Variants in CTBP1 observed in about 807,000 individuals in gnomAD.
CTBP1 encodes C-terminal-binding protein 1.
A neutral mutation model predicts 42.1 loss-of-function variants in CTBP1; 11 were observed. The observed-to-expected ratio is 0.26, with a 90% CI of 0.16 to 0.43. CTBP1 has a LOEUF of 0.43. CTBP1 is among the 20% of genes least tolerant of loss of function. The pLI, the probability that CTBP1 is intolerant of heterozygous loss-of-function variation, is 1.00. For synonymous variants in CTBP1, 324 were observed against 277.1 expected, an observed-to-expected ratio of 1.17 and a Z score of -1.68; for missense variants, 399 against 624.3, an observed-to-expected ratio of 0.64 and a Z score of 3.85.
chr4:1,225,245 G>C, intron 5 of CTBP1, 115 bp downstream of exon 5: 1 of 1,272,896 alleles, frequency 7.9e-7, no homozygotes, highest in Non-Finnish European at 1.1e-6. Context: ...CCTGGGTTGG[G>C]ACCGACACCT....
intron 5 of CTBP1, among the ~76,000 whole-genome samples, chr4:1,223,210 C>T (rs1480229665): frequency 6.6e-6 from 1 of 152,024 alleles, no homozygotes; most frequent in Admixed American, 6.5e-5. Flanking sequence ...ACAAACCACA[C>T]ATGCGGGCCA....
chr4:1,215,842 C>A, intron 6 of CTBP1, 149 bp downstream of exon 6: 3 of 762,476 alleles, frequency 3.9e-6, no homozygotes, highest in South Asian at 3.5e-5. Flanking sequence ...GACAGGGCTT[C>A]CCCCAGCAGG....
intron 2 of CTBP1, among the ~76,000 whole-genome samples, chr4:1,241,062 G>A (rs1034858727): frequency 6.6e-6 from 1 of 152,206 alleles, no homozygotes; most frequent in African/African-American, 2.4e-5. Context: ...GTGCCTCTCA[G>A]ACACTTTCCG....
chr4:1,223,350 C>T (rs1011724595), intron 5 of CTBP1: 31 of 433,216 alleles, frequency 7.2e-5, no homozygotes, highest in Non-Finnish European at 1.2e-4. Context: ...CCAGCAAGAC[C>T]GTGAGAGACG....
intron 5 of CTBP1, among the ~76,000 whole-genome samples, chr4:1,221,043 A>G (rs1267999742): frequency 6.6e-6 from 1 of 152,282 alleles, no homozygotes; most frequent in Non-Finnish European, 1.5e-5. Flanking sequence ...ACGGCCTGAG[A>G]TATTCGTAAA....
intron 1 of CTBP1, among the ~76,000 whole-genome samples, chr4:1,247,886 G>A (rs1732902628): frequency 6.6e-6 from 1 of 152,240 alleles, no homozygotes; most frequent in Admixed American, 6.5e-5. Context: ...ACCGGGAAGG[G>A]CGCGACCGCC....
chr4:1,238,949 C>T lies in CTBP1; in HGVS notation c.8-612G>A, dbSNP rs867107957. ...GTTGTCCCTTTCCTGCCTGGGCTAC[C>T]GCGTGGCTGCCCGGAATCCCTGATG... On this transcript the variant is annotated intron_variant, in intron 2 of 9. Transcript: ENST00000382952. This position sits in a 1 kb window ranked among gnomAD's most constrained non-coding sequence, Gnocchi z 5.9. Among the ~76,000 whole-genome samples the T allele has an allele frequency of 3.9e-5, 6 of 152,292 alleles. No homozygotes were observed. The highest frequency in any genetic ancestry group is 1.2e-4 in the African/African-American group (5 of 41,556).
intron 4 of CTBP1, among the ~76,000 whole-genome samples, chr4:1,226,723 C>G (rs950815303): frequency 1.3e-5 from 2 of 151,742 alleles, no homozygotes; most frequent in Non-Finnish European, 2.9e-5. Context: ...CCCGACACCA[C>G]ACACCCAGGC....
At chr4:1,241,032 C>T (rs932951276) in intron 2 of CTBP1, among the ~76,000 whole-genome samples, 1 of 152,220 alleles carries the variant, frequency 6.6e-6, no homozygotes, top group African/African-American at 2.4e-5. Context: ...GTGCTGGCGG[C>T]CTCCACATGG....
chr4:1,236,605 T>G, intron 3 of CTBP1: 1 of 671,024 alleles, frequency 1.5e-6, no homozygotes, highest in Non-Finnish European at 2.7e-6. Flanking sequence ...ACAAACCCCG[T>G]GTCCACCTCC....
chr4:1,242,887 C>G (rs1264121179), intron 1 of CTBP1: 2 of 985,322 alleles, frequency 2.0e-6, no homozygotes, highest in Non-Finnish European at 2.4e-6. Context: ...ACCGCGCCAC[C>G]CACGCCCAGC....
intron 2 of CTBP1, among the ~76,000 whole-genome samples, chr4:1,240,977 G>T (rs1313986420): frequency 6.6e-6 from 1 of 152,240 alleles, no homozygotes; most frequent in Non-Finnish European, 1.5e-5. Context: ...GGCCAGCCGG[G>T]TGGACACCTG....
chr4:1,246,884 C>T (rs1271001531), intron 1 of CTBP1, among the ~76,000 whole-genome samples: 2 of 152,218 alleles, frequency 1.3e-5, no homozygotes, highest in African/African-American at 4.8e-5. Flanking sequence ...TTGCTGTCTG[C>T]TTACACTACA....
chr4:1,222,703 C>T (rs1272662023), intron 5 of CTBP1, among the ~76,000 whole-genome samples: 1 of 152,172 alleles, frequency 6.6e-6, no homozygotes, highest in African/African-American at 2.4e-5. Flanking sequence ...GTTCCAACCC[C>T]CACTCAGCAC....
In CTBP1 at chr4:1,225,511, C is replaced by G. The variant is rs1165370688; in HGVS notation, c.363G>C (p.Thr121=). 1.9e-6 allele frequency: 3 copies of G among 1,545,108 alleles called. No homozygotes were observed. The highest frequency in any genetic ancestry group is 2.0e-5 in the Admixed American group (1 of 51,006). ...AASVEETADS[T]LCHILNLYRR... ...GGTACAGGTTCAGGATGTGGCACAG[C>G]GTCGAGTCGGCCGTCTCCTCCACAG... The change falls in exon 5 of 10, where the codon ACG becomes ACC. Residue 121 remains threonine (T), a synonymous_variant. Coordinates refer to ENST00000382952, the MANE Select transcript of CTBP1 (RefSeq NM_001012614.2).
upstream of CTBP1, chr4:1,249,556 C>A: frequency 4.8e-6 from 1 of 210,014 alleles, no homozygotes; most frequent in Non-Finnish European, 9.9e-6. Context: ...GCGCTCGCTT[C>A]TCGCCCCGCG....
At chr4:1,231,467 G>A (rs1730961009) in intron 3 of CTBP1, among the ~76,000 whole-genome samples, 2 of 152,198 alleles carry the variant, frequency 1.3e-5, no homozygotes, top group Admixed American at 6.5e-5. Context: ...GCAGGCTGGG[G>A]AAAGCTGGGT....
intron 1 of CTBP1, among the ~76,000 whole-genome samples, chr4:1,247,805 A>C (rs1577088127): frequency 6.7e-6 from 1 of 150,026 alleles, no homozygotes; most frequent in Non-Finnish European, 1.5e-5. Flanking sequence ...CACCCTGCGC[A>C]CCCGCCGCCT....
At chr4:1,230,324 C>T (rs558388002) in intron 3 of CTBP1, among the ~76,000 whole-genome samples, 2 of 152,192 alleles carry the variant, frequency 1.3e-5, no homozygotes. Context: ...CCCTGCGCTG[C>T]GTGGACTGGA....
Sources: gnomAD v4.1 joint callset for allele counts (sites outside exome capture counted in the v4.1 genomes callset) on GRCh38, gnomAD v4.1.1 for gene constraint, Gnocchi (gnomAD v3.1) non-coding constraint, MANE v1.5 for transcripts, NCBI Gene and HGNC (gene_info 2026-07-23, HGNC 2026-07-21) for gene names.